The following TTC3 variants were observed in gnomAD, a reference collection of about 807,000 sequenced individuals.
The protein encoded by TTC3 is tetratricopeptide repeat domain 3.
In TTC3, 180 loss-of-function variants were observed where a neutral mutation model predicts 249.6. The observed-to-expected ratio is 0.72, with a 90% CI of 0.64 to 0.82. TTC3 has a LOEUF of 0.82. TTC3 is among the 40% of genes least tolerant of loss of function. TTC3 has a pLI of 0.00. For synonymous variants in TTC3, 717 were observed against 805.0 expected (o/e 0.89, Z 1.85); for missense variants, 2,061 against 2,398.4 (o/e 0.86, Z 2.94).
intron 35 of TTC3, among the ~76,000 whole-genome samples, chr21:37,176,804 G>A (rs190092430): frequency 6.6e-6 from 1 of 152,326 alleles, no homozygotes; most frequent in African/African-American, 2.4e-5. Context: ...ACACCAGTAC[G>A]AAGTGGCAGA....
chr21:37,083,033 G>A, intron 1 of TTC3: 1 of 985,406 alleles, frequency 1.0e-6, no homozygotes, highest in South Asian at 4.7e-5. Flanking sequence ...ACCCTGCAGA[G>A]ATAAACCTGT....
intron 27 of TTC3, among the ~76,000 whole-genome samples, chr21:37,156,053 T>TA (rs2080038272): frequency 6.6e-6 from 1 of 151,472 alleles, no homozygotes; most frequent in South Asian, 2.1e-4. Flanking sequence ...TTTTTTTTTT[T>TA]AGAGATAGGG....
At chr21:37,145,517 CT>C (rs1181457956) in intron 21 of TTC3, among the ~76,000 whole-genome samples, 2 of 152,186 alleles carry the variant, frequency 1.3e-5, no homozygotes, top group Admixed American at 6.5e-5. Flanking sequence ...CATTCAGACA[CT>C]GCTGGTGGTA....
At chr21:37,133,684 A>T (rs1420161513) in intron 17 of TTC3, among the ~76,000 whole-genome samples, 1 of 152,118 alleles carries the variant, frequency 6.6e-6, no homozygotes, top group Admixed American at 6.5e-5. Context: ...TTCAGGACAG[A>T]TCATTTATGT....
At position 37,177,386 on chromosome 21, in the gene TTC3, G is replaced by A. The variant is rs1002623173; in HGVS notation, c.4617+4642G>A. On this transcript the variant is annotated intron_variant, in intron 35 of 45. Coordinates refer to ENST00000355666, the Ensembl canonical transcript of TTC3. ...ATAGACTTTGCCTCCTTAGCGAAGG[G>A]AACTGCAAGGTCACATGATAAATGG... Among the ~76,000 whole-genome samples the A allele has an allele frequency of 7.9e-5, 12 of 152,162 alleles. No homozygotes were observed. In the South Asian group the frequency reaches 1.4e-3, roughly 18 times the overall value.
At chr21:37,127,987 T>A (rs558925560) in intron 15 of TTC3, among the ~76,000 whole-genome samples, 1 of 152,332 alleles carries the variant, frequency 6.6e-6, no homozygotes, top group African/African-American at 2.4e-5. Context: ...ATTACTATCA[T>A]TTAATTAAAT....
chr21:37,082,759 CA>C, intron 1 of TTC3: 1 of 984,954 alleles, frequency 1.0e-6, no homozygotes, highest in Non-Finnish European at 1.2e-6. Context: ...CCCAACAGTA[CA>C]TTCCCCCAGA....
chr21:37,102,951 T>C (rs1285931146), intron 10 of TTC3, among the ~76,000 whole-genome samples: 2 of 152,136 alleles, frequency 1.3e-5, no homozygotes, highest in African/African-American at 4.8e-5. Flanking sequence ...GAGCTGAGAT[T>C]GCGCCACTGC....
At chr21:37,181,582 G>A (rs2082763706) in intron 35 of TTC3, among the ~76,000 whole-genome samples, 1 of 152,226 alleles carries the variant, frequency 6.6e-6, no homozygotes, top group Admixed American at 6.5e-5. Flanking sequence ...CTATGTTAAA[G>A]GGAACATTAC....
chr21:37,160,706 T>A (rs1003981700), intron 29 of TTC3, 96 bp from the exon 30 acceptor site: 1 of 1,250,600 alleles, frequency 8.0e-7, no homozygotes, highest in African/African-American at 1.5e-5. Flanking sequence ...TACATTTAAC[T>A]TATGGCTAGT....
rs369335650 is a variant in TTC3 at position 37,088,428 on chromosome 21, G to A, written c.338+82G>A. On this transcript the variant is annotated intron_variant, in intron 4 of 45. Transcript: ENST00000355666. ...ACCAAGAAATGCAAGTTCAATGGAA[G>A]GCTTATGTCTTATTCTTGTATGCTG... 7.4e-6 allele frequency: 11 copies of A among 1,490,934 alleles called. No homozygotes were observed. In the South Asian group the frequency reaches 1.3e-4, roughly 18 times the overall value. 92.4% of individuals were successfully genotyped at this position (1,490,934 alleles called of 1,614,324 possible).
rs1170360302 is a variant in TTC3, at chr21:37,135,378, A to G, written c.1444-2A>G. The G allele has an allele frequency of 6.9e-6, 11 of 1,601,198 alleles. No individual in the cohort carries two copies. The highest frequency in any genetic ancestry group is 9.4e-6 in the Non-Finnish European group (11 of 1,173,992). The stretch of plus-strand genomic sequence containing the variant: ...TACTGAAATAGAATTTCTTTTTTCC[A>G]GGATTTTGCTAATATAATGAAAATG... On this transcript the variant is annotated splice_acceptor_variant, in intron 17 of 45. Transcript: ENST00000355666. LOFTEE classifies it high-confidence loss of function.
chr21:37,177,836 A>G (rs1032902179), intron 35 of TTC3, among the ~76,000 whole-genome samples: 3 of 152,236 alleles, frequency 2.0e-5, no homozygotes, highest in South Asian at 2.1e-4. Flanking sequence ...ATAATTAACC[A>G]TAGCATAACA....
chr21:37,158,563 T>G (rs1435237570), intron 28 of TTC3, among the ~76,000 whole-genome samples: 1 of 152,230 alleles, frequency 6.6e-6, no homozygotes, highest in Non-Finnish European at 1.5e-5. Context: ...GACAATGTCA[T>G]GAGTGCTTTG....
chr21:37,122,437 T>TATATATATAATATATATATATATATTATA (rs913030475), intron 12 of TTC3, among the ~76,000 whole-genome samples: 3 of 28,538 alleles, frequency 1.1e-4, no homozygotes, highest in African/African-American at 2.7e-4. Context: ...TATATATATA[T>TATATATATAATATATATATATATATTATA]TATATATATA....
intron 7 of TTC3, among the ~76,000 whole-genome samples, chr21:37,092,847 ACAATG>A (rs2073448762): frequency 6.6e-6 from 1 of 152,176 alleles, no homozygotes; most frequent in Non-Finnish European, 1.5e-5. Context: ...ATAATAGCTT[ACAATG>A]TAGAAAATGA....
At chr21:37,073,990 G>C (rs572237712) in intron 1 of TTC3, among the ~76,000 whole-genome samples, 68 of 152,362 alleles carry the variant, frequency 4.5e-4, no homozygotes, top group African/African-American at 1.6e-3. Context: ...GTGATCTCTT[G>C]TGTGCGGATT....
At chr21:37,124,557 C>A in intron 13 of TTC3, 62 bp from the exon 14 acceptor site, 2 of 1,563,508 alleles carry the variant, frequency 1.3e-6, no homozygotes, top group Non-Finnish European at 1.7e-6. Context: ...ATTGCTGCAA[C>A]CTGTTCATTC....
chr21:37,145,016 A>G (rs1396394449), intron 21 of TTC3, among the ~76,000 whole-genome samples: 1 of 152,206 alleles, frequency 6.6e-6, no homozygotes, highest in East Asian at 1.9e-4. Context: ...ATGCATGATC[A>G]TGCACTCTGC....
Sources: gnomAD v4.1 joint callset for allele counts (sites outside exome capture counted in the v4.1 genomes callset) on GRCh38, gnomAD v4.1.1 for gene constraint, MANE v1.5 for transcripts, NCBI Gene and HGNC (gene_info 2026-07-23, HGNC 2026-07-21) for gene names.